HTR7: variants seen among roughly 807,000 people sequenced by gnomAD.
HTR7 encodes 5-HT-7.
In HTR7, 16 loss-of-function variants were observed where a neutral mutation model predicts 34.0. That is an observed-to-expected ratio of 0.47 (90% CI 0.32 to 0.71). The LOEUF (loss-of-function observed/expected upper bound fraction) is 0.71, where lower values mean the gene tolerates loss of function less well. HTR7 is among the 30% of genes least tolerant of loss of function. HTR7 has a pLI of 0.04. For missense variants in HTR7, 504 were observed against 625.5 expected, an observed-to-expected ratio of 0.81 and a Z score of 2.07; for synonymous variants, 265 against 260.2, an observed-to-expected ratio of 1.02 and a Z score of -0.18.
rs1210000214 is a variant in HTR7 at position 90,742,465 on chromosome 10, T to C, written c.*17A>G. 4 of 1,592,700 alleles carry C rather than the reference T, an allele frequency of 2.5e-6. No individual in the cohort carries two copies. The highest frequency in any genetic ancestry group is 2.6e-6 in the Non-Finnish European group (3 of 1,167,872). On this transcript the variant is annotated 3_prime_UTR_variant, in exon 4 of 4. Coordinates refer to ENST00000336152, the MANE Select transcript of HTR7 (RefSeq NM_019859.4). ...CCTCTATTTTGCCTTGTTTATTTCA[T>C]CTCCATTGTTCTGCTTTCAATCATG...
intron 1 of HTR7, among the ~76,000 whole-genome samples, chr10:90,823,840 C>A (rs1564694608): frequency 6.6e-6 from 1 of 152,150 alleles, no homozygotes; most frequent in African/African-American, 2.4e-5. Context: ...AAGTGTGTAG[C>A]ACCTCCCCTT....
rs575050590 is a variant in HTR7, at chr10:90,840,918, C to T, written c.539+16215G>A. ...GAACTCAGGTCTGTTGACTCCAAGG[C>T]CTGGGCAGTATTCATCTTTAACTTG... On this transcript the variant is annotated intron_variant, in intron 1 of 3. Coordinates refer to ENST00000336152, the MANE Select transcript of HTR7 (RefSeq NM_019859.4). Among the ~76,000 whole-genome samples, 3 of 152,304 alleles carry T rather than the reference C, an allele frequency of 2.0e-5. No individual in the cohort carries two copies. The East Asian group carries it at 5.8e-4, about 29-fold the overall frequency.
intron 1 of HTR7, among the ~76,000 whole-genome samples, chr10:90,812,084 A>G (rs1013354177): frequency 6.6e-6 from 1 of 152,214 alleles, no homozygotes; most frequent in Non-Finnish European, 1.5e-5. Context: ...AGGACTGGAC[A>G]ATACTTTTAC....
chr10:90,794,257 G>A (rs916772023), intron 1 of HTR7, among the ~76,000 whole-genome samples: 8 of 152,042 alleles, frequency 5.3e-5, no homozygotes, highest in Non-Finnish European at 1.0e-4. Context: ...GTAGGTGTTC[G>A]GGGCACCAAC....
intron 1 of HTR7, among the ~76,000 whole-genome samples, chr10:90,841,314 T>C (rs1461214526): frequency 1.3e-5 from 2 of 152,216 alleles, no homozygotes; most frequent in Non-Finnish European, 2.9e-5. Flanking sequence ...CTGGTTGTAT[T>C]AATTTCTATT....
intron 1 of HTR7, among the ~76,000 whole-genome samples, chr10:90,791,885 A>T (rs755655886): frequency 1.3e-5 from 2 of 152,154 alleles, no homozygotes; most frequent in Admixed American, 6.5e-5. Context: ...TGTTTCTTAC[A>T]GTTCTTTGGG....
At chr10:90,818,706 G>A (rs1346092553) in intron 1 of HTR7, among the ~76,000 whole-genome samples, 3 of 152,068 alleles carry the variant, frequency 2.0e-5, no homozygotes, top group Non-Finnish European at 2.9e-5. Context: ...CCAGCCTCCA[G>A]AACCATGAAC....
At chr10:90,762,890 A>G (rs944778303) in intron 1 of HTR7, among the ~76,000 whole-genome samples, 1 of 152,186 alleles carries the variant, frequency 6.6e-6, no homozygotes, top group Non-Finnish European at 1.5e-5. Flanking sequence ...TGAATAGACT[A>G]TTCTTTCCCC....
chr10:90,813,689 T>C (rs1845854985), intron 1 of HTR7, among the ~76,000 whole-genome samples: 1 of 152,178 alleles, frequency 6.6e-6, no homozygotes, highest in African/African-American at 2.4e-5. Context: ...CAAGGGTGAA[T>C]GCCAGCAGCT....
intron 1 of HTR7, among the ~76,000 whole-genome samples, chr10:90,842,654 G>T (rs1370464729): frequency 6.6e-6 from 1 of 151,824 alleles, no homozygotes; most frequent in Non-Finnish European, 1.5e-5. Context: ...TTGCCTTCAT[G>T]GCTGACACCC....
chr10:90,821,500 C>A (rs1845980353), intron 1 of HTR7, among the ~76,000 whole-genome samples: 1 of 152,210 alleles, frequency 6.6e-6, no homozygotes, highest in African/African-American at 2.4e-5. Context: ...TTCCAGCAAG[C>A]CTTGCCACTG....
At chr10:90,843,518 A>G (rs1386554313) in intron 1 of HTR7, among the ~76,000 whole-genome samples, 1 of 152,048 alleles carries the variant, frequency 6.6e-6, no homozygotes, top group Non-Finnish European at 1.5e-5. Flanking sequence ...TTACCCAGCT[A>G]AAGAGCTAGA....
chr10:90,831,459 C>T (rs1253189346), intron 1 of HTR7, among the ~76,000 whole-genome samples: 1 of 152,070 alleles, frequency 6.6e-6, no homozygotes, highest in Non-Finnish European at 1.5e-5. Context: ...TGCAAATCTT[C>T]GCTGTGAGTG....
chr10:90,799,359 ATG>A (rs1845590480), intron 1 of HTR7, among the ~76,000 whole-genome samples: 1 of 152,046 alleles, frequency 6.6e-6, no homozygotes, highest in African/African-American at 2.4e-5. Context: ...GAATGAATGA[ATG>A]AATGAATGAA....
chr10:90,748,304 T>C (rs563863284), intron 2 of HTR7, among the ~76,000 whole-genome samples: 8 of 152,294 alleles, frequency 5.3e-5, no homozygotes, highest in Admixed American at 3.9e-4. Context: ...CCGGCTCTTG[T>C]AGCTTTTAAG....
In HTR7 at chr10:90,743,701, T is replaced by C. The variant is rs1389097474; in HGVS notation, c.1296-11A>G. On this transcript the variant is annotated splice_polypyrimidine_tract_variant and intron_variant, in intron 2 of 3. Coordinates refer to ENST00000336152, the MANE Select transcript of HTR7 (RefSeq NM_019859.4). ...CTTGTGCAGGCCCTCCTGCAATTTA[T>C]GGCAATTCAAAGCAAATCCATAAGT... is the stretch of plus-strand genomic sequence containing the variant. The C allele has an allele frequency of 8.1e-6, 13 of 1,601,970 alleles. No individual in the cohort carries two copies. Among genetic ancestry groups the C allele is most frequent in the African/African-American group, 1.3e-5 (1 of 74,662 alleles).
chr10:90,802,456 C>A (rs1295243786), intron 1 of HTR7, among the ~76,000 whole-genome samples: 1 of 152,128 alleles, frequency 6.6e-6, no homozygotes, highest in Non-Finnish European at 1.5e-5. Context: ...ATGCCCTCTC[C>A]AGGAATATAT....
In HTR7 at chr10:90,762,565, T is replaced by G. The variant is rs567376339; in HGVS notation, c.540-12971A>C. Among the ~76,000 whole-genome samples, 28 of 152,328 alleles carry G rather than the reference T, an allele frequency of 1.8e-4. No individual in the cohort carries two copies. The South Asian group carries it at 2.7e-3, about 15-fold the overall frequency. On this transcript the variant is annotated intron_variant, in intron 1 of 3. Coordinates refer to ENST00000336152, the MANE Select transcript of HTR7 (RefSeq NM_019859.4). Reference sequence around the variant, plus strand: ...CATAAGATACATGGTTTCTGAATATTTTCTCCCATTCTGTACATGGCCTTT... The same window carrying G: ...CATAAGATACATGGTTTCTGAATATGTTCTCCCATTCTGTACATGGCCTTT...
chr10:90,827,956 T>C (rs577707503), intron 1 of HTR7, among the ~76,000 whole-genome samples: 2 of 152,314 alleles, frequency 1.3e-5, no homozygotes, highest in South Asian at 4.1e-4. Context: ...GGATAGACCA[T>C]ATATTAGGAC....
Sources: allele counts gnomAD v4.1 joint callset (sites outside exome capture counted in the v4.1 genomes callset), GRCh38; gene constraint gnomAD v4.1.1; transcripts MANE v1.5; gene names NCBI Gene and HGNC (gene_info 2026-07-23, HGNC 2026-07-21).